The following IL1RAPL1 variants were observed in gnomAD, a reference collection of about 807,000 sequenced individuals.
IL1RAPL1 encodes the protein interleukin 1 receptor accessory protein like 1, also known as interleukin-1 receptor accessory protein-like 1.
IL1RAPL1 carries 3 observed loss-of-function variants against 48.4 expected under a neutral mutation model. That is an observed-to-expected ratio of 0.06 (90% CI 0.03 to 0.16). The LOEUF is 0.16. Among genes scored for constraint, IL1RAPL1 ranks in the 10% least tolerant of loss-of-function variants. The pLI, the probability that IL1RAPL1 is intolerant of heterozygous loss-of-function variation, is 1.00. For synonymous variants in IL1RAPL1, 185 were observed against 187.7 expected (o/e 0.99, Z 0.12); for missense variants, 349 against 530.6 (o/e 0.66, Z 3.36).
chrX:29,224,149 A>AT (rs1209914227), intron 2 of IL1RAPL1, among the ~76,000 whole-genome samples: 2 of 111,616 alleles, frequency 1.8e-5, no homozygotes, highest in Non-Finnish European at 3.8e-5. Flanking sequence ...ATCTAATTAA[A>AT]TTGAAATGAA....
In IL1RAPL1 at chrX:29,652,644, T is replaced by C. The variant is rs143658367; in HGVS notation, c.704-15786T>C. On this transcript the variant is annotated intron_variant, in intron 5 of 10. Transcript: ENST00000378993. ...CTTTCTTGCTTACAAACCATTGTTC[T>C]GCTGTTACTGAGTAAAAGTCTTAGC... 4.6e-3 allele frequency among the ~76,000 whole-genome samples: 512 copies of C among 111,810 alleles called. 2 individuals are homozygous for C. Among genetic ancestry groups the C allele is most frequent in the African/African-American group, 0.016 (480 of 30,856 alleles).
chrX:29,305,295 A>G (rs1258815490), intron 3 of IL1RAPL1, among the ~76,000 whole-genome samples: 2 of 112,105 alleles, frequency 1.8e-5, no homozygotes, highest in African/African-American at 6.5e-5. Context: ...CAATTCACCC[A>G]TGGTAGACAT....
intron 5 of IL1RAPL1, among the ~76,000 whole-genome samples, chrX:29,586,676 G>T (rs977065209): frequency 9.0e-6 from 1 of 111,043 alleles, no homozygotes; most frequent in Non-Finnish European, 1.9e-5. Flanking sequence ...CATGAACACG[G>T]ATATCTATTT....
chrX:29,652,811 T>C lies in IL1RAPL1; in HGVS notation c.704-15619T>C, dbSNP rs768922859. ...CCTGATCAGTTATCTTGGAGACCTA[T>C]GACCAATAATAAGTGACCATTATTT... On this transcript the variant is annotated intron_variant, in intron 5 of 10. Coordinates refer to ENST00000378993, the MANE Select transcript of IL1RAPL1 (RefSeq NM_014271.4). 2.7e-5 allele frequency among the ~76,000 whole-genome samples: 3 copies of C among 111,918 alleles called. No individual in the cohort carries two copies. The South Asian group carries it at 1.1e-3, about 42-fold the overall frequency.
At chrX:29,787,701 A>G (rs1459075995) in intron 6 of IL1RAPL1, among the ~76,000 whole-genome samples, 1 of 111,931 alleles carries the variant, frequency 8.9e-6, no homozygotes, top group Admixed American at 9.5e-5. Flanking sequence ...GACCTTGCCT[A>G]GGTGTTTTTG....
intron 5 of IL1RAPL1, among the ~76,000 whole-genome samples, chrX:29,555,208 T>C (rs979167123): frequency 1.8e-5 from 2 of 112,958 alleles, no homozygotes; most frequent in Admixed American, 1.9e-4. Context: ...TATAACCATA[T>C]GCCTGCATTT....
chrX:28,918,626 A>G (rs1256103731), intron 2 of IL1RAPL1, among the ~76,000 whole-genome samples: 1 of 112,354 alleles, frequency 8.9e-6, no homozygotes, highest in African/African-American at 3.2e-5. Flanking sequence ...ATGTCATGCA[A>G]GTGAAAACAG....
chrX:29,173,232 C>G (rs1569251912), intron 2 of IL1RAPL1, among the ~76,000 whole-genome samples: 1 of 111,268 alleles, frequency 9.0e-6, no homozygotes, highest in African/African-American at 3.3e-5. Context: ...TGTACAAAAT[C>G]AGTATTATTT....
At chrX:28,829,122 T>G (rs1304334066) in intron 2 of IL1RAPL1, among the ~76,000 whole-genome samples, 1 of 112,105 alleles carries the variant, frequency 8.9e-6, no homozygotes, top group East Asian at 2.8e-4. Context: ...TTAATTTGTT[T>G]TCTTAATTTC....
intron 5 of IL1RAPL1, among the ~76,000 whole-genome samples, chrX:29,548,457 T>G (rs1227205737): frequency 8.9e-6 from 1 of 112,491 alleles, no homozygotes; most frequent in Non-Finnish European, 1.9e-5. Context: ...GAAATATATC[T>G]GTTAAATTTA....
intron 5 of IL1RAPL1, among the ~76,000 whole-genome samples, chrX:29,428,380 G>A (rs1483981168): frequency 3.6e-5 from 4 of 111,307 alleles, no homozygotes; most frequent in Non-Finnish European, 5.6e-5. Flanking sequence ...TAAATATAAA[G>A]CATTAAATGA....
intron 6 of IL1RAPL1, among the ~76,000 whole-genome samples, chrX:29,777,470 T>A (rs1269652119): frequency 8.9e-6 from 1 of 112,007 alleles, no homozygotes. Flanking sequence ...TAATCATGGA[T>A]GAGGTTGATT....
At chrX:29,444,926 T>A (rs190892489) in intron 5 of IL1RAPL1, among the ~76,000 whole-genome samples, 1 of 111,986 alleles carries the variant, frequency 8.9e-6, no homozygotes, top group East Asian at 2.8e-4. Context: ...AGAACCCACT[T>A]TGGGAGAAAA....
chrX:29,156,774 G>A (rs1025772049), intron 2 of IL1RAPL1, among the ~76,000 whole-genome samples: 2 of 111,371 alleles, frequency 1.8e-5, no homozygotes, highest in Admixed American at 1.9e-4. Context: ...TACCAATCAG[G>A]ACTCATTTTT....
chrX:28,873,692 C>T (rs1377052025), intron 2 of IL1RAPL1, among the ~76,000 whole-genome samples: 1 of 107,781 alleles, frequency 9.3e-6, no homozygotes, highest in African/African-American at 3.4e-5. Context: ...CCACCACAGC[C>T]GGCTAATTTT....
chrX:29,393,282 C>T (rs947965760), intron 3 of IL1RAPL1, among the ~76,000 whole-genome samples: 2 of 111,682 alleles, frequency 1.8e-5, no homozygotes, highest in African/African-American at 6.5e-5. Context: ...CCACCACGCC[C>T]GGCTAATTTC....
chrX:29,805,916 G>C (rs1461111728), intron 6 of IL1RAPL1, among the ~76,000 whole-genome samples: 1 of 107,432 alleles, frequency 9.3e-6, no homozygotes, highest in Non-Finnish European at 1.9e-5. Context: ...AAGTAAGGAA[G>C]AAATGTTTAT....
chrX:29,509,746 G>T (rs778780774), intron 5 of IL1RAPL1, among the ~76,000 whole-genome samples: 2 of 111,593 alleles, frequency 1.8e-5, no homozygotes, highest in Non-Finnish European at 3.8e-5. Flanking sequence ...ATTATAAAGG[G>T]ATATTTAGTA....
chrX:29,283,071 C>G lies in IL1RAPL1; in HGVS notation c.216C>G (p.Leu72=), dbSNP rs773831867. 4 of 1,209,811 alleles carry G rather than the reference C, an allele frequency of 3.3e-6. No homozygotes were observed. The highest frequency in any genetic ancestry group is 2.2e-5 in the Admixed American group (1 of 45,648). Reference sequence around the variant, plus strand: ...ACTCCCTTGCCCAAAGTGCTGGACTCAGTTTGATGTGGTACAAAAGTTCTG... The same window carrying G: ...ACTCCCTTGCCCAAAGTGCTGGACTGAGTTTGATGTGGTACAAAAGTTCTG... ...TNYSLAQSAG[L]SLMWYKSSGP... Residue 72 remains leucine, a synonymous_variant, in exon 3 of 11, where the codon CTC becomes CTG. Transcript: ENST00000378993.
Sources: allele counts gnomAD v4.1 joint callset (sites outside exome capture counted in the v4.1 genomes callset), GRCh38; gene constraint gnomAD v4.1.1; transcripts MANE v1.5; gene names NCBI Gene and HGNC (gene_info 2026-07-23, HGNC 2026-07-21).